MRTFA: variants seen among roughly 807,000 people sequenced by gnomAD.
The protein encoded by MRTFA is myocardin related transcription factor A.
A neutral mutation model predicts 83.5 loss-of-function variants in MRTFA; 20 were observed. That is an observed-to-expected ratio of 0.24 (90% CI 0.17 to 0.35). MRTFA has a LOEUF of 0.35. Ranked by LOEUF, MRTFA falls within the 10% of genes least tolerant of loss-of-function variation. The pLI, the probability that MRTFA is intolerant of heterozygous loss-of-function variation, is 1.00. For missense variants in MRTFA, 1,200 were observed against 1,224.7 expected, an observed-to-expected ratio of 0.98 and a Z score of 0.30; for synonymous variants, 659 against 541.2, an observed-to-expected ratio of 1.22 and a Z score of -3.02.
At chr22:40,481,668 A>G (rs984946209) in intron 3 of MRTFA, among the ~76,000 whole-genome samples, 3 of 152,140 alleles carry the variant, frequency 2.0e-5, no homozygotes, top group Non-Finnish European at 4.4e-5. Flanking sequence ...AATATGACAA[A>G]CCATAAAAAT....
chr22:40,500,804 G>C (rs1418998218), intron 3 of MRTFA, among the ~76,000 whole-genome samples: 2 of 151,402 alleles, frequency 1.3e-5, no homozygotes, highest in Non-Finnish European at 2.9e-5. Flanking sequence ...TTTCTACACA[G>C]ACACGGCAAC....
chr22:40,446,401 T>C (rs73167044), intron 4 of MRTFA, among the ~76,000 whole-genome samples: 18,603 of 152,224 alleles, frequency 0.12, 1,329 homozygotes, highest in East Asian at 0.25. Context: ...TTAACACTCC[T>C]GGACAGGTGA....
At chr22:40,419,631 A>C (rs767295838) in intron 11 of MRTFA, among the ~76,000 whole-genome samples, 42 of 152,200 alleles carry the variant, frequency 2.8e-4, no homozygotes, top group Non-Finnish European at 7.4e-5. Context: ...GGGCTGGTAC[A>C]TGGTGCCCAC....
intron 9 of MRTFA, 149 bp from the exon 10 acceptor site, chr22:40,421,249 ACCCC>A: frequency 1.1e-6 from 1 of 879,360 alleles, no homozygotes; most frequent in Non-Finnish European, 1.6e-6. Context: ...GGGACCGTAC[ACCCC>A]GTGAAAAGCA....
intron 3 of MRTFA, chr22:40,519,564 G>A (rs139405075): frequency 1.5e-6 from 2 of 1,348,002 alleles, no homozygotes; most frequent in African/African-American, 1.5e-5. Context: ...CCAAAGTGGA[G>A]GTGAAAGGCA....
At chr22:40,464,309 GAAAAAAAAAAA>G (rs398040500) in intron 3 of MRTFA, among the ~76,000 whole-genome samples, 1 of 56,274 alleles carries the variant, frequency 1.8e-5, no homozygotes, top group African/African-American at 7.9e-5. Context: ...GCTGTCTCAG[GAAAAAAAAAAA>G]AAAAAAAAAA....
Position 40,424,312 on chromosome 22 carries a change from G to C in MRTFA, c.671C>G (p.Ser224Cys). 1 of 1,612,808 alleles carries C rather than the reference G, an allele frequency of 6.2e-7. No homozygotes were observed. The highest frequency in any genetic ancestry group is 8.5e-7 in the Non-Finnish European group (1 of 1,179,450). ...CTCATGGCTGGCAGGCTGCTCGGGG[G>C]ATAAGGCATCGCTGCTGTCCTCATC... Residue 224 changes from serine (S) to cysteine (C), a missense_variant, in exon 8 of 15, where the codon TCC becomes TGC. Physicochemically the swap from Ser to Cys is moderately radical, Grantham distance 112. Around this residue, in one of 2 missense-constraint regions of MRTFA, gnomAD observed 1,107 missense variants for 1,041.8 expected, o/e 1.06. Coordinates refer to ENST00000355630, the MANE Select transcript of MRTFA (RefSeq NM_020831.6).
At chr22:40,614,802 C>CT (rs2147420474) in intron 1 of MRTFA, among the ~76,000 whole-genome samples, 1 of 152,240 alleles carries the variant, frequency 6.6e-6, no homozygotes, top group African/African-American at 2.4e-5. Context: ...ATATTTTCTT[C>CT]TAAGAAATGT....
intron 3 of MRTFA, among the ~76,000 whole-genome samples, chr22:40,465,371 G>A (rs978902904): frequency 6.6e-6 from 1 of 152,176 alleles, no homozygotes; most frequent in Non-Finnish European, 1.5e-5. Context: ...CTGAGAAACT[G>A]AACCAAGAGG....
At position 40,531,758 on chromosome 22, in the gene MRTFA, T is replaced by C. The variant is rs79204882; in HGVS notation, c.241+20348A>G. Among the ~76,000 whole-genome samples the C allele has an allele frequency of 4.4e-3, 671 of 152,286 alleles. 7 individuals carry two copies. The highest frequency in any genetic ancestry group is 0.016 in the African/African-American group (646 of 41,542). Reference sequence around the variant, plus strand: ...ACAGATGCTTTTTCATTTCCTATCATAAAGAGAGACAGTATTTTACTATAC... The same window carrying C: ...ACAGATGCTTTTTCATTTCCTATCACAAAGAGAGACAGTATTTTACTATAC... On this transcript the variant is annotated intron_variant, in intron 3 of 14. Transcript: ENST00000355630.
intron 3 of MRTFA, among the ~76,000 whole-genome samples, chr22:40,470,275 A>ATATATATATG (rs1569283500): frequency 3.3e-5 from 4 of 120,394 alleles, no homozygotes; most frequent in African/African-American, 9.7e-5. Flanking sequence ...ATATATATAT[A>ATATATATATG]TATATAAAGA....
chr22:40,470,811 T>G (rs924563268), intron 3 of MRTFA, among the ~76,000 whole-genome samples: 1 of 151,410 alleles, frequency 6.6e-6, no homozygotes. Context: ...TAGCCAGGTG[T>G]GGCAACAGGC....
intron 6 of MRTFA, 105 bp downstream of exon 6, chr22:40,431,300 A>G: frequency 8.9e-7 from 1 of 1,118,014 alleles, no homozygotes; most frequent in African/African-American, 1.5e-5. Flanking sequence ...CCCACTGCCA[A>G]CAGAAATGGG....
intron 3 of MRTFA, among the ~76,000 whole-genome samples, chr22:40,545,917 G>A (rs754176383): frequency 6.6e-6 from 1 of 150,438 alleles, no homozygotes; most frequent in African/African-American, 2.5e-5. Context: ...AGTAGAGGAG[G>A]GGTTTCACCA....
At chr22:40,552,469 T>A (rs1271692514) in intron 2 of MRTFA, 102 bp from the exon 3 acceptor site, 1 of 391,044 alleles carries the variant, frequency 2.6e-6, no homozygotes, top group African/African-American at 2.1e-5. Context: ...TTCCCATAAC[T>A]CACACATATC....
intron 1 of MRTFA, among the ~76,000 whole-genome samples, chr22:40,609,482 C>CAAAAAAAAAAAAA (rs148106089): frequency 1.4e-5 from 1 of 69,718 alleles, no homozygotes; most frequent in Non-Finnish European, 2.5e-5. Context: ...GTCTCTTTAA[C>CAAAAAAAAAAAAA]AAAAAAAAAA....
intron 2 of MRTFA, among the ~76,000 whole-genome samples, chr22:40,557,188 A>G (rs2055537757): frequency 6.6e-6 from 1 of 152,354 alleles, no homozygotes; most frequent in South Asian, 2.1e-4. Context: ...TAATCTAGGG[A>G]ACCACGACAG....
chr22:40,618,160 C>T (rs1193503275), intron 1 of MRTFA, among the ~76,000 whole-genome samples: 1 of 151,748 alleles, frequency 6.6e-6, no homozygotes, highest in East Asian at 1.9e-4. Context: ...CTGCAAGCTC[C>T]ACCTCCTGGG....
rs142074221 is a variant in MRTFA at position 40,418,965 on chromosome 22, G to A, written c.1773C>T (p.Ala591=). The change falls in exon 12 of 15, where the codon GCC becomes GCT. Residue 591 remains alanine, a synonymous_variant. Transcript: ENST00000355630. ...CCTTCACGAGGATCTGCAGTGGCGA[G>A]GCCTGCAGGGTCAGCTGCGTCAGAG... is the stretch of plus-strand genomic sequence containing the variant. 27 of 1,612,772 alleles carry A rather than the reference G, an allele frequency of 1.7e-5. No individual in the cohort carries two copies. The highest frequency in any genetic ancestry group is 2.1e-5 in the Non-Finnish European group (25 of 1,179,940).
Sources: gnomAD v4.1 joint callset for allele counts (sites outside exome capture counted in the v4.1 genomes callset) on GRCh38, gnomAD v4.1.1 for gene constraint, gnomAD v4.1.1 regional missense constraint, MANE v1.5 for transcripts, NCBI Gene and HGNC (gene_info 2026-07-23, HGNC 2026-07-21) for gene names.